The following L3MBTL3 variants were observed in gnomAD, a reference collection of about 807,000 sequenced individuals.
L3MBTL3 encodes lethal(3)malignant brain tumor-like protein 3.
In L3MBTL3, 27 loss-of-function variants were observed where a neutral mutation model predicts 102.3. The observed-to-expected ratio is 0.26, with a 90% CI of 0.19 to 0.36. L3MBTL3 has a LOEUF of 0.36. Among genes scored for constraint, L3MBTL3 ranks in the 10% least tolerant of loss-of-function variants. L3MBTL3 has a pLI of 1.00. For synonymous variants in L3MBTL3, 340 were observed against 320.9 expected, an observed-to-expected ratio of 1.06 and a Z score of -0.64; for missense variants, 798 against 955.3, an observed-to-expected ratio of 0.84 and a Z score of 2.17.
intron 6 of L3MBTL3, among the ~76,000 whole-genome samples, chr6:130,051,724 C>T (rs1359574982): frequency 6.6e-6 from 1 of 152,148 alleles, no homozygotes; most frequent in Admixed American, 6.5e-5. Flanking sequence ...ATACACATTT[C>T]GATGACACTG....
Position 130,030,154 on chromosome 6 carries a change from C to T in L3MBTL3, c.-16+7849C>T, listed in dbSNP as rs186693806. Among the ~76,000 whole-genome samples the T allele has an allele frequency of 2.6e-5, 4 of 152,186 alleles. 1 individual carries two copies. Among genetic ancestry groups the T allele is most frequent in the South Asian group, 4.2e-4 (2 of 4,816 alleles). ...GATTACAGAAGTGAGCCACCTCTCCCGGCCGCTTGTCTTTTCTTTAGAATA... is the reference window on the plus strand; with the variant it reads ...GATTACAGAAGTGAGCCACCTCTCCTGGCCGCTTGTCTTTTCTTTAGAATA... On this transcript the variant is annotated intron_variant, in intron 2 of 22. Transcript: ENST00000361794.
rs551644238 is a variant in L3MBTL3 at position 130,023,868 on chromosome 6, A to G, written c.-16+1563A>G. On this transcript the variant is annotated intron_variant, in intron 2 of 22. Coordinates refer to ENST00000361794, the MANE Select transcript of L3MBTL3 (RefSeq NM_032438.4). Reference sequence around the variant, plus strand: ...GACTTCTCGGAATATTTCTAGGAGTATATCTTGTCTTGAGAAAAAAGTAGT... The same window carrying G: ...GACTTCTCGGAATATTTCTAGGAGTGTATCTTGTCTTGAGAAAAAAGTAGT... Among the ~76,000 whole-genome samples the G allele has an allele frequency of 7.2e-5, 11 of 152,288 alleles. No homozygotes were observed. The South Asian group carries it at 8.3e-4, about 11-fold the overall frequency.
intron 2 of L3MBTL3, among the ~76,000 whole-genome samples, chr6:130,037,271 T>C (rs1487171544): frequency 6.6e-6 from 1 of 152,154 alleles, no homozygotes; most frequent in African/African-American, 2.4e-5. Context: ...TTTCACTAAA[T>C]TTCCTTAAAG....
chr6:130,025,694 A>G (rs1339073433), intron 2 of L3MBTL3, among the ~76,000 whole-genome samples: 1 of 152,176 alleles, frequency 6.6e-6, no homozygotes, highest in Non-Finnish European at 1.5e-5. Context: ...GGTGATTATA[A>G]GAATGATATG....
chr6:130,072,005 C>CT (rs1258238031), intron 13 of L3MBTL3, among the ~76,000 whole-genome samples: 1 of 152,044 alleles, frequency 6.6e-6, no homozygotes, highest in Non-Finnish European at 1.5e-5. Flanking sequence ...GTTACCTACG[C>CT]TTTTTGCAGA....
intron 3 of L3MBTL3, among the ~76,000 whole-genome samples, chr6:130,044,393 C>CT (rs1337136913): frequency 6.6e-6 from 1 of 152,046 alleles, no homozygotes; most frequent in South Asian, 2.1e-4. Flanking sequence ...CTCTCAATGG[C>CT]TTTTTTTAAA....
At chr6:130,054,286 A>G (rs555362632) in intron 7 of L3MBTL3, among the ~76,000 whole-genome samples, 66 of 152,318 alleles carry the variant, frequency 4.3e-4, no homozygotes, top group Admixed American at 3.3e-4. Context: ...GGTCCAGGGC[A>G]TGTAGGGTTT....
chr6:130,133,363 C>G lies in L3MBTL3; in HGVS notation c.1967-89C>G. 7.9e-7 allele frequency: 1 copy of G among 1,266,318 alleles called. No homozygotes were observed. 78.4% of individuals were successfully genotyped at this position (1,266,318 alleles called of 1,614,324 possible). A position where few individuals can be genotyped will look rare whatever the true frequency, so the allele number is the denominator to read the frequency against. ...GAACCAATGCTTTAACCACTCCCAC[C>G]TCCAGTCTCGTTATCTGGGAGATGC... On this transcript the variant is annotated intron_variant, in intron 20 of 22. Transcript: ENST00000361794. The surrounding 1 kb of genome is among the most constrained non-coding windows in gnomAD (Gnocchi z 4.9).
intron 19 of L3MBTL3, among the ~76,000 whole-genome samples, chr6:130,107,503 A>G (rs1390585882): frequency 6.6e-6 from 1 of 152,196 alleles, no homozygotes; most frequent in East Asian, 1.9e-4. Flanking sequence ...TCTCATCTTC[A>G]TTGAAGCTTC....
chr6:130,067,405 T>C (rs1233409218), intron 11 of L3MBTL3, among the ~76,000 whole-genome samples: 5 of 152,206 alleles, frequency 3.3e-5, no homozygotes, highest in East Asian at 1.9e-4. Context: ...TAAGCCACCG[T>C]GCCCGGCCAT....
intron 20 of L3MBTL3, among the ~76,000 whole-genome samples, chr6:130,124,694 G>C (rs1269807774): frequency 2.0e-5 from 3 of 152,230 alleles, no homozygotes; most frequent in African/African-American, 7.2e-5. Context: ...ACAGGGGCCA[G>C]GTGTGGTGGC....
At chr6:130,055,096 T>C (rs1781378013) in intron 7 of L3MBTL3, 75 bp from the exon 8 acceptor site, 2 of 1,061,622 alleles carry the variant, frequency 1.9e-6, no homozygotes, top group Non-Finnish European at 2.9e-6. Flanking sequence ...AAAAGTGCTT[T>C]CTGATAGCTC....
intron 13 of L3MBTL3, among the ~76,000 whole-genome samples, chr6:130,074,550 C>T (rs1216643562): frequency 6.6e-6 from 1 of 152,200 alleles, no homozygotes; most frequent in Non-Finnish European, 1.5e-5. Flanking sequence ...CTGCTGTCCT[C>T]CCGCCACTGC....
intron 8 of L3MBTL3, 58 bp downstream of exon 8, chr6:130,055,313 A>G (rs1781397104): frequency 1.5e-6 from 2 of 1,349,070 alleles, no homozygotes; most frequent in East Asian, 2.3e-5. Flanking sequence ...AATGGTTCAC[A>G]CAGGTGGAAA....
chr6:130,060,594 C>T (rs1328616548), intron 10 of L3MBTL3, among the ~76,000 whole-genome samples: 1 of 151,806 alleles, frequency 6.6e-6, no homozygotes, highest in Non-Finnish European at 1.5e-5. Context: ...AAACTGTGAC[C>T]ACACAGCTTC....
chr6:130,034,386 A>G (rs1041904360), intron 2 of L3MBTL3, among the ~76,000 whole-genome samples: 1 of 152,156 alleles, frequency 6.6e-6, no homozygotes, highest in Non-Finnish European at 1.5e-5. Flanking sequence ...CTAGACCCCT[A>G]TCTACTTATC....
intron 20 of L3MBTL3, among the ~76,000 whole-genome samples, chr6:130,128,228 A>G (rs1479792039): frequency 6.6e-6 from 1 of 152,178 alleles, no homozygotes; most frequent in Non-Finnish European, 1.5e-5. Flanking sequence ...TATAAAACAC[A>G]TAAAGTGGCT....
chr6:130,088,581 A>G (rs1229186172), intron 16 of L3MBTL3, among the ~76,000 whole-genome samples: 1 of 152,236 alleles, frequency 6.6e-6, no homozygotes, highest in Non-Finnish European at 1.5e-5. Flanking sequence ...ATATTTGATC[A>G]GATGACATTG....
intron 3 of L3MBTL3, among the ~76,000 whole-genome samples, chr6:130,048,931 T>A (rs1250667135): frequency 1.1e-5 from 1 of 94,208 alleles, no homozygotes; most frequent in Non-Finnish European, 2.3e-5. Context: ...AAAAAATAAG[T>A]CTTAGTTAAA....
Sources: allele counts gnomAD v4.1 joint callset (sites outside exome capture counted in the v4.1 genomes callset), GRCh38; gene constraint gnomAD v4.1.1; non-coding constraint Gnocchi (gnomAD v3.1); transcripts MANE v1.5; gene names NCBI Gene and HGNC (gene_info 2026-07-23, HGNC 2026-07-21).